Variants in FHOD3 observed in about 807,000 individuals in gnomAD.
FHOD3 encodes the protein formin homology 2 domain containing 3.
In FHOD3, 90 loss-of-function variants were observed where a neutral mutation model predicts 173.0. The observed-to-expected ratio is 0.52, with a 90% CI of 0.44 to 0.62. The LOEUF is 0.62. Among genes scored for constraint, FHOD3 ranks in the 20% least tolerant of loss-of-function variants. The pLI is 0.00. For synonymous variants in FHOD3, 828 were observed against 823.0 expected (o/e 1.01, Z -0.10); for missense variants, 1,945 against 2,034.7 (o/e 0.96, Z 0.85).
At chr18:36,630,607 A>G (rs1477226651) in intron 10 of FHOD3, among the ~76,000 whole-genome samples, 3 of 152,228 alleles carry the variant, frequency 2.0e-5, no homozygotes, top group Non-Finnish European at 2.9e-5. Flanking sequence ...CAATGATTAT[A>G]TAAGAGAGGT....
intron 27 of FHOD3, among the ~76,000 whole-genome samples, chr18:36,762,769 C>A (rs992256571): frequency 1.3e-5 from 2 of 149,860 alleles, no homozygotes; most frequent in African/African-American, 4.9e-5. Context: ...GCACTCAAGC[C>A]TGGGCGAAGA....
intron 3 of FHOD3, among the ~76,000 whole-genome samples, chr18:36,391,910 C>G (rs576820242): frequency 6.6e-6 from 1 of 152,280 alleles, no homozygotes; most frequent in African/African-American, 2.4e-5. Flanking sequence ...CTCCCCATGC[C>G]ACAGGGAAAA....
At chr18:36,415,934 C>T (rs2049619155) in intron 3 of FHOD3, among the ~76,000 whole-genome samples, 1 of 152,218 alleles carries the variant, frequency 6.6e-6, no homozygotes, top group Non-Finnish European at 1.5e-5. Flanking sequence ...CTGTCTTTCT[C>T]TTCCAGACTG....
chr18:36,446,715 G>A (rs2051501151), intron 3 of FHOD3, among the ~76,000 whole-genome samples: 1 of 152,088 alleles, frequency 6.6e-6, no homozygotes, highest in Admixed American at 6.6e-5. Context: ...TCGTGTTCTT[G>A]TTATCCCTCA....
intron 14 of FHOD3, among the ~76,000 whole-genome samples, chr18:36,679,627 A>G (rs1299197004): frequency 6.6e-6 from 1 of 151,760 alleles, no homozygotes; most frequent in Non-Finnish European, 1.5e-5. Flanking sequence ...CTAATTGTCC[A>G]TGTTTTTTTT....
At chr18:36,713,793 TTAAAG>T (rs2040301826) in intron 18 of FHOD3, among the ~76,000 whole-genome samples, 2 of 152,192 alleles carry the variant, frequency 1.3e-5, no homozygotes, top group South Asian at 4.1e-4. Flanking sequence ...TGAAAATTTG[TTAAAG>T]TAAAAAAAAG....
intron 3 of FHOD3, among the ~76,000 whole-genome samples, chr18:36,394,755 T>C (rs2048470272): frequency 6.6e-6 from 1 of 152,214 alleles, no homozygotes; most frequent in Non-Finnish European, 1.5e-5. Context: ...CAGTTTGTTG[T>C]TGTTGTTGTC....
At chr18:36,682,475 C>A (rs140331029) in intron 15 of FHOD3, among the ~76,000 whole-genome samples, 1 of 152,158 alleles carries the variant, frequency 6.6e-6, no homozygotes, top group African/African-American at 2.4e-5. Flanking sequence ...TTCCTTAGTT[C>A]AGTTTCTTTG....
At chr18:36,405,464 C>A (rs2049011409) in intron 3 of FHOD3, among the ~76,000 whole-genome samples, 2 of 152,162 alleles carry the variant, frequency 1.3e-5, no homozygotes, top group African/African-American at 4.8e-5. Flanking sequence ...CTCGTATGAG[C>A]CAAATTGATA....
chr18:36,567,312 A>G (rs2058299587), intron 5 of FHOD3, among the ~76,000 whole-genome samples: 1 of 152,236 alleles, frequency 6.6e-6, no homozygotes, highest in Non-Finnish European at 1.5e-5. Flanking sequence ...GGAGGAAGGG[A>G]AAAAGAAGAG....
chr18:36,405,173 GA>G (rs1275774891), intron 3 of FHOD3, among the ~76,000 whole-genome samples: 2 of 152,186 alleles, frequency 1.3e-5, no homozygotes, highest in Non-Finnish European at 2.9e-5. Context: ...ACATGTGGCT[GA>G]AAGTTCAGGG....
chr18:36,671,802 C>T lies in FHOD3; in HGVS notation c.1836-9634C>T, dbSNP rs74711901. On this transcript the variant is annotated intron_variant, in intron 14 of 28. Coordinates refer to ENST00000590592, the MANE Select transcript of FHOD3 (RefSeq NM_001281740.3). The stretch of plus-strand genomic sequence containing the variant: ...CTGTGGGGGAAGGAGGAGAAGCAGG[C>T]GACAGGGACTGCTTCTGATGTGTTC... Among the ~76,000 whole-genome samples, 1,406 of 152,240 alleles carry T rather than the reference C, an allele frequency of 9.2e-3. 25 individuals are homozygous for T. Among genetic ancestry groups the T allele is most frequent in the African/African-American group, 0.032 (1,311 of 41,538 alleles).
chr18:36,445,387 CT>C lies in FHOD3; in HGVS notation c.338-56542del, dbSNP rs140169870. Among the ~76,000 whole-genome samples, 410 of 152,166 alleles carry C rather than the reference CT, an allele frequency of 2.7e-3. 2 individuals carry two copies. Among genetic ancestry groups the C allele is most frequent in the African/African-American group, 8.6e-3 (359 of 41,514 alleles). On this transcript the variant is annotated intron_variant, in intron 3 of 28. Coordinates refer to ENST00000590592, the MANE Select transcript of FHOD3 (RefSeq NM_001281740.3). The stretch of plus-strand genomic sequence containing the variant: ...AAAAACTTCTGGGTTTTAGGCCTGC[CT>C]TTGAGTTTTGGCAGTATGATTCTTA...
intron 28 of FHOD3, among the ~76,000 whole-genome samples, chr18:36,772,326 A>G (rs1371572689): frequency 6.6e-6 from 1 of 152,254 alleles, no homozygotes; most frequent in Non-Finnish European, 1.5e-5. Flanking sequence ...AGCTTTTCAC[A>G]GAGGTTAAAG....
chr18:36,712,253 T>C (rs1230282092), intron 18 of FHOD3, among the ~76,000 whole-genome samples: 1 of 152,166 alleles, frequency 6.6e-6, no homozygotes, highest in Non-Finnish European at 1.5e-5. Flanking sequence ...AATCACATCT[T>C]GAATGGGAAA....
chr18:36,523,766 G>A (rs2056385649), intron 5 of FHOD3, among the ~76,000 whole-genome samples: 1 of 152,202 alleles, frequency 6.6e-6, no homozygotes, highest in African/African-American at 2.4e-5. Context: ...CCAGCTCTAA[G>A]ATTCTGTGAT....
chr18:36,560,330 G>A (rs1568427405), intron 5 of FHOD3, among the ~76,000 whole-genome samples: 1 of 152,180 alleles, frequency 6.6e-6, no homozygotes, highest in Non-Finnish European at 1.5e-5. Context: ...GGACTGTTGA[G>A]GATGTTGATA....
At chr18:36,656,273 A>C (rs111559715) in intron 13 of FHOD3, among the ~76,000 whole-genome samples, 1,799 of 152,162 alleles carry the variant, frequency 0.012, 32 homozygotes, top group African/African-American at 0.041. Context: ...TGGTTTGGGA[A>C]CCCTGTTGAA....
At chr18:36,369,277 A>G (rs760675738) in intron 2 of FHOD3, among the ~76,000 whole-genome samples, 148 of 152,204 alleles carry the variant, frequency 9.7e-4, no homozygotes, top group Non-Finnish European at 2.4e-4. Context: ...AAAGATTTTT[A>G]GAATCAGTGG....
Sources: allele counts gnomAD v4.1 joint callset (sites outside exome capture counted in the v4.1 genomes callset), GRCh38; gene constraint gnomAD v4.1.1; transcripts MANE v1.5; gene names NCBI Gene and HGNC (gene_info 2026-07-23, HGNC 2026-07-21).